DAB1: variants seen among roughly 807,000 people sequenced by gnomAD.
DAB1 encodes the protein disabled homolog 1.
Under a neutral mutation model 64.6 loss-of-function variants are expected in DAB1, and 15 were observed. The ratio of observed to expected loss-of-function variants is 0.23; its 90% CI spans 0.16 to 0.36. The LOEUF is 0.36. Among genes scored for constraint, DAB1 ranks in the 10% least tolerant of loss-of-function variants. The pLI is 1.00. For missense variants in DAB1, 596 were observed against 706.7 expected (o/e 0.84, Z 1.78); for synonymous variants, 235 against 251.9 (o/e 0.93, Z 0.64).
chr1:57,199,695 T>C (rs565963700), intron 2 of DAB1, among the ~76,000 whole-genome samples: 1 of 152,282 alleles, frequency 6.6e-6, no homozygotes. Flanking sequence ...GTCAAGATGA[T>C]GGGCGTTGAA....
Position 58,020,640 on chromosome 1 carries a change from G to A in DAB1, n.387+129871C>T, listed in dbSNP as rs138535569. 2.3e-3 allele frequency among the ~76,000 whole-genome samples: 355 copies of A among 152,290 alleles called. 2 individuals are homozygous for A. Among genetic ancestry groups the A allele is most frequent in the Non-Finnish European group, 4.0e-3 (269 of 68,024 alleles). Reference sequence around the variant, plus strand: ...AAAAAAAGTCTTCCTCTCCCAAGGTGGCCTGATACGCAGAGCTGATGCCCA... The same window carrying A: ...AAAAAAAGTCTTCCTCTCCCAAGGTAGCCTGATACGCAGAGCTGATGCCCA... On this transcript the variant is annotated intron_variant and non_coding_transcript_variant, in intron 5 of 20. Coordinates refer to the DAB1 transcript ENST00000485760.
chr1:58,048,828 G>T, intron 5 of DAB1: 1 of 1,037,426 alleles, frequency 9.6e-7, no homozygotes, highest in South Asian at 1.3e-5. Flanking sequence ...CGGAATCATG[G>T]TTGTCAAAGG....
At chr1:57,853,474 G>A (rs1247225390) in intron 1 of DAB1, among the ~76,000 whole-genome samples, 1 of 152,150 alleles carries the variant, frequency 6.6e-6, no homozygotes, top group African/African-American at 2.4e-5. Context: ...GATCTTCAGT[G>A]ATTGACACCA....
intron 5 of DAB1, among the ~76,000 whole-genome samples, chr1:57,916,234 C>G (rs74528214): frequency 1.7e-3 from 254 of 152,306 alleles, no homozygotes; most frequent in Middle Eastern, 6.8e-3. Context: ...GCACTGACAG[C>G]TCCTGTGCAG....
intron 8 of DAB1, among the ~76,000 whole-genome samples, chr1:57,067,579 C>T (rs1322697678): frequency 2.6e-5 from 4 of 152,154 alleles, no homozygotes; most frequent in Non-Finnish European, 5.9e-5. Flanking sequence ...CCCACCTCCA[C>T]CATTTCTGAG....
intron 8 of DAB1, among the ~76,000 whole-genome samples, chr1:57,066,637 T>C (rs1343061799): frequency 6.6e-6 from 1 of 152,210 alleles, no homozygotes; most frequent in East Asian, 1.9e-4. Context: ...GAGCAAGTTA[T>C]GTTCTATTTC....
intron 4 of DAB1, among the ~76,000 whole-genome samples, chr1:58,220,614 G>C (rs17117135): frequency 0.01 from 1,556 of 152,206 alleles, 25 homozygotes; most frequent in African/African-American, 0.036. Flanking sequence ...AGTGGCTGTG[G>C]AGTCTCTGAT....
chr1:58,222,016 C>T (rs766345077), intron 4 of DAB1, among the ~76,000 whole-genome samples: 1 of 152,134 alleles, frequency 6.6e-6, no homozygotes, highest in Non-Finnish European at 1.5e-5. Context: ...TATCTGGAAA[C>T]CAAGTATTTA....
chr1:57,979,913 T>C (rs964156106), intron 5 of DAB1, among the ~76,000 whole-genome samples: 17 of 152,228 alleles, frequency 1.1e-4, no homozygotes, highest in Admixed American at 2.6e-4. Flanking sequence ...ACTTCTATTA[T>C]TCTATAATTC....
intron 6 of DAB1, among the ~76,000 whole-genome samples, chr1:57,740,248 C>T (rs1289325688): frequency 4.6e-5 from 7 of 151,982 alleles, no homozygotes; most frequent in Admixed American, 4.6e-4. Flanking sequence ...ATCCATAAGC[C>T]ACATAAAAAT....
chr1:57,995,386 T>C (rs1356072757), intron 5 of DAB1, among the ~76,000 whole-genome samples: 1 of 152,154 alleles, frequency 6.6e-6, no homozygotes, highest in Admixed American at 6.5e-5. Flanking sequence ...AGGGACTCTT[T>C]TGGGGAGAAA....
chr1:57,497,547 AG>A (rs1314742363), intron 7 of DAB1, among the ~76,000 whole-genome samples: 1 of 152,234 alleles, frequency 6.6e-6, no homozygotes, highest in East Asian at 1.9e-4. Context: ...ATATGGTGCC[AG>A]AAGAGCTTAT....
At chr1:57,971,673 C>A (rs943176566) in intron 5 of DAB1, among the ~76,000 whole-genome samples, 1 of 152,162 alleles carries the variant, frequency 6.6e-6, no homozygotes, top group Non-Finnish European at 1.5e-5. Context: ...TAGCTGAATT[C>A]TGTCAAAGGC....
Position 57,227,519 on chromosome 1 carries a change from T to TTTTG in DAB1, c.67+63444_67+63445insCAAA, listed in dbSNP as rs3222527. Among the ~76,000 whole-genome samples, 63 of 135,810 alleles carry TTTTG rather than the reference T, an allele frequency of 4.6e-4. No homozygotes were observed. In the Middle Eastern group the frequency reaches 0.012, roughly 25 times the overall value. 89.1% of individuals were successfully genotyped at this position (135,810 alleles called of 152,430 possible). On this transcript the variant is annotated intron_variant, in intron 2 of 14. Transcript: ENST00000371236. The stretch of plus-strand genomic sequence containing the variant: ...AAGTGGAGGCAGGATTTTTTTTCTT[T>TTTTG]TGTGTGTGTGTGTGTGTGTGTGTGT...
At chr1:57,942,707 C>T (rs150582670) in intron 5 of DAB1, among the ~76,000 whole-genome samples, 1 of 152,252 alleles carries the variant, frequency 6.6e-6, no homozygotes, top group East Asian at 1.9e-4. Context: ...CAACACTACC[C>T]TAGGGAATAG....
intron 5 of DAB1, among the ~76,000 whole-genome samples, chr1:58,090,458 CG>C (rs1424208042): frequency 6.6e-5 from 10 of 152,072 alleles, no homozygotes; most frequent in Admixed American, 5.9e-4. Flanking sequence ...TTTTCTCCTC[CG>C]GGCCTATCAT....
chr1:57,561,898 T>G (rs1645056834), intron 7 of DAB1, among the ~76,000 whole-genome samples: 1 of 152,230 alleles, frequency 6.6e-6, no homozygotes, highest in Admixed American at 6.5e-5. Context: ...CCTCTTCCAT[T>G]ATACAAAGGA....
intron 2 of DAB1, among the ~76,000 whole-genome samples, chr1:57,238,547 G>A (rs906668866): frequency 5.3e-5 from 8 of 152,092 alleles, no homozygotes; most frequent in African/African-American, 1.9e-4. Context: ...GATGAAGCAC[G>A]AGCTTGATGA....
At chr1:57,465,093 T>G (rs1490787505) in intron 7 of DAB1, among the ~76,000 whole-genome samples, 1 of 152,288 alleles carries the variant, frequency 6.6e-6, no homozygotes, top group East Asian at 1.9e-4. Context: ...AACATACAGA[T>G]AGGCTTCCTG....
Sources: allele counts gnomAD v4.1 joint callset (sites outside exome capture counted in the v4.1 genomes callset), GRCh38; gene constraint gnomAD v4.1.1; transcripts MANE v1.5; gene names NCBI Gene and HGNC (gene_info 2026-07-23, HGNC 2026-07-21).